Variants in DTWD2 observed in about 807,000 individuals in gnomAD.
DTWD2 encodes tRNA-uridine aminocarboxypropyltransferase 2.
Under a neutral mutation model 31.8 loss-of-function variants are expected in DTWD2, and 39 were observed. The ratio of observed to expected loss-of-function variants is 1.22; its 90% CI spans 0.95 to 1.60. The LOEUF is 1.60. Among genes scored for constraint, DTWD2 ranks in the 40% most tolerant of loss-of-function variants. DTWD2 has a pLI of 0.00. For missense variants in DTWD2, 515 were observed against 381.5 expected (o/e 1.35, Z -2.92); for synonymous variants, 180 against 142.8 (o/e 1.26, Z -1.86).
intron 4 of DTWD2, among the ~76,000 whole-genome samples, chr5:118,860,347 G>T: frequency 6.6e-6 from 1 of 151,072 alleles, no homozygotes; most frequent in East Asian, 1.9e-4. Context: ...ACTCTTAAAA[G>T]TATCTAAATA....
chr5:118,866,022 G>C (rs895987230), intron 4 of DTWD2, among the ~76,000 whole-genome samples: 1 of 151,476 alleles, frequency 6.6e-6, no homozygotes, highest in Non-Finnish European at 1.5e-5. Context: ...GTGTGTGTCT[G>C]TGTGTGTGTC....
At chr5:118,945,543 T>C (rs933703627) in intron 1 of DTWD2, among the ~76,000 whole-genome samples, 2 of 152,238 alleles carry the variant, frequency 1.3e-5, no homozygotes, top group African/African-American at 4.8e-5. Context: ...GGTGGGCAGA[T>C]CACCTGAGGT....
intron 1 of DTWD2, among the ~76,000 whole-genome samples, chr5:118,962,830 A>G (rs1158487027): frequency 6.6e-6 from 1 of 152,202 alleles, no homozygotes; most frequent in Non-Finnish European, 1.5e-5. Flanking sequence ...AGGTTAAGTA[A>G]CTTTTTCAAG....
intron 1 of DTWD2, among the ~76,000 whole-genome samples, chr5:118,972,745 T>G (rs1301618395): frequency 6.6e-6 from 1 of 152,154 alleles, no homozygotes; most frequent in Non-Finnish European, 1.5e-5. Flanking sequence ...GGCAAACTGA[T>G]TCCAGCAGCA....
chr5:118,960,945 G>C (rs911472158), intron 1 of DTWD2, among the ~76,000 whole-genome samples: 1 of 152,108 alleles, frequency 6.6e-6, no homozygotes, highest in African/African-American at 2.4e-5. Flanking sequence ...TGGGAAGAGG[G>C]TGAGGATCAA....
chr5:118,863,817 A>G (rs1033113690), intron 4 of DTWD2, among the ~76,000 whole-genome samples: 3 of 152,100 alleles, frequency 2.0e-5, no homozygotes, highest in African/African-American at 7.2e-5. Context: ...AAGTATATAT[A>G]ATAGTTCCTG....
At chr5:118,874,974 G>A (rs1325708307) in intron 4 of DTWD2, among the ~76,000 whole-genome samples, 1 of 152,034 alleles carries the variant, frequency 6.6e-6, no homozygotes, top group African/African-American at 2.4e-5. Flanking sequence ...AAAAAGGCCA[G>A]GTCACCTACA....
intron 4 of DTWD2, among the ~76,000 whole-genome samples, chr5:118,895,965 C>A (rs1233537276): frequency 6.6e-6 from 1 of 152,084 alleles, no homozygotes; most frequent in African/African-American, 2.4e-5. Context: ...AAACTATTTT[C>A]TTTTCTAATA....
chr5:118,894,327 T>C (rs1561445182), intron 4 of DTWD2, among the ~76,000 whole-genome samples: 3 of 152,238 alleles, frequency 2.0e-5, no homozygotes, highest in South Asian at 4.1e-4. Flanking sequence ...AGATTTTTGT[T>C]GGAAAACAAA....
intron 4 of DTWD2, among the ~76,000 whole-genome samples, chr5:118,909,977 G>C (rs1432598363): frequency 2.0e-5 from 3 of 152,154 alleles, no homozygotes; most frequent in Non-Finnish European, 2.9e-5. Flanking sequence ...AGCAGGCCCA[G>C]TGGTCTCCAA....
At chr5:118,909,529 G>C (rs1753412191) in intron 4 of DTWD2, among the ~76,000 whole-genome samples, 1 of 152,118 alleles carries the variant, frequency 6.6e-6, no homozygotes, top group African/African-American at 2.4e-5. Context: ...GGGCAACCCA[G>C]CCCTGGGAAC....
At chr5:118,956,141 G>A (rs115131142) in intron 1 of DTWD2, among the ~76,000 whole-genome samples, 3,279 of 152,254 alleles carry the variant, frequency 0.022, 61 homozygotes, top group Non-Finnish European at 0.037. Context: ...AATAACTACT[G>A]CATTACAGGC....
At chr5:118,871,815 T>G (rs1752511746) in intron 4 of DTWD2, among the ~76,000 whole-genome samples, 1 of 152,078 alleles carries the variant, frequency 6.6e-6, no homozygotes, top group Non-Finnish European at 1.5e-5. Flanking sequence ...AGCTGCATTA[T>G]CCCCTAACAA....
chr5:118,954,109 A>G (rs1307325525), intron 1 of DTWD2, among the ~76,000 whole-genome samples: 4 of 152,142 alleles, frequency 2.6e-5, no homozygotes, highest in African/African-American at 9.7e-5. Context: ...CATCTCTACT[A>G]AAAATTTAAA....
At chr5:118,922,219 G>A (rs564005613) in intron 4 of DTWD2, among the ~76,000 whole-genome samples, 15 of 152,164 alleles carry the variant, frequency 9.9e-5, no homozygotes, top group Admixed American at 8.5e-4. Context: ...CCAAGTTAAT[G>A]GGTTTGCATT....
rs1751628854 is a variant in DTWD2, at chr5:118,838,560, T to C, written c.*2357A>G. 6.6e-6 allele frequency: 1 copy of C among 152,178 alleles called. No homozygotes were observed. The highest frequency in any genetic ancestry group is 1.5e-5 in the Non-Finnish European group (1 of 68,030). 9.4% of individuals were successfully genotyped at this position (152,178 alleles called of 1,614,324 possible). On this transcript the variant is annotated 3_prime_UTR_variant, in exon 6 of 6. Transcript: ENST00000510708. ...GGCTTTTAAAACTTACTTACAACTGTTTAATGAGAACAGGTGACTAGAGAA... is the reference window on the plus strand; with the variant it reads ...GGCTTTTAAAACTTACTTACAACTGCTTAATGAGAACAGGTGACTAGAGAA...
chr5:118,948,259 A>G (rs1754383461), intron 1 of DTWD2, among the ~76,000 whole-genome samples: 1 of 151,990 alleles, frequency 6.6e-6, no homozygotes, highest in Non-Finnish European at 1.5e-5. Flanking sequence ...GCGGATCACA[A>G]GGTCAGGAGT....
At chr5:118,967,645 C>G (rs562923792) in intron 1 of DTWD2, among the ~76,000 whole-genome samples, 14 of 152,106 alleles carry the variant, frequency 9.2e-5, no homozygotes, top group Admixed American at 7.9e-4. Flanking sequence ...GGATTATAAT[C>G]CAGTAATAAA....
intron 1 of DTWD2, among the ~76,000 whole-genome samples, chr5:118,976,426 AATAG>A (rs879775900): frequency 1.3e-5 from 2 of 152,170 alleles, no homozygotes; most frequent in African/African-American, 4.8e-5. Context: ...AGATTAACAA[AATAG>A]ATAGACTGCT....
Sources: gnomAD v4.1 joint callset for allele counts (sites outside exome capture counted in the v4.1 genomes callset) on GRCh38, gnomAD v4.1.1 for gene constraint, MANE v1.5 for transcripts, NCBI Gene and HGNC (gene_info 2026-07-23, HGNC 2026-07-21) for gene names.